ANAPC5: variants seen among roughly 807,000 people sequenced by gnomAD.
ANAPC5 encodes the protein anaphase promoting complex subunit 5.
A neutral mutation model predicts 91.3 loss-of-function variants in ANAPC5; 60 were observed. The ratio of observed to expected loss-of-function variants is 0.66; its 90% CI spans 0.53 to 0.81. The LOEUF is 0.81. Among genes scored for constraint, ANAPC5 ranks in the 40% least tolerant of loss-of-function variants. The probability of loss-of-function intolerance (pLI) is 0.00; values close to 1 mark genes in which losing one functional copy is unlikely to be tolerated. For synonymous variants in ANAPC5, 340 were observed against 364.1 expected, an observed-to-expected ratio of 0.93 and a Z score of 0.75; for missense variants, 690 against 931.5, an observed-to-expected ratio of 0.74 and a Z score of 3.37.
chr12:121,318,151 C>T (rs1330765862), intron 15 of ANAPC5, 126 bp downstream of exon 15: 1 of 1,196,392 alleles, frequency 8.4e-7, no homozygotes, highest in Non-Finnish European at 1.1e-6. Context: ...CACAGGAAGA[C>T]TACCTTTCCA....
At chr12:121,350,020 A>C (rs1903822905) in intron 1 of ANAPC5, among the ~76,000 whole-genome samples, 1 of 151,962 alleles carries the variant, frequency 6.6e-6, no homozygotes, top group South Asian at 2.1e-4. Context: ...TATTTACCAA[A>C]ATTTTAGTAT....
Position 121,320,414 on chromosome 12 carries a change from G to A in ANAPC5, c.1486C>T (p.Arg496Ter), listed in dbSNP as rs1434842906. 2.5e-6 allele frequency: 4 copies of A among 1,613,510 alleles called. No individual in the cohort carries two copies. Among genetic ancestry groups the A allele is most frequent in the African/African-American group, 2.7e-5 (2 of 74,880 alleles). The change falls in exon 12 of 17, where the codon CGA becomes TGA. Residue 496 changes from arginine (R) to a stop codon, truncating the protein, a stop_gained. Transcript: ENST00000261819. LOFTEE classifies it high-confidence loss of function. Reference sequence around the variant, plus strand: ...GCGTGCTGACTATTAGGCGGAAATCGTTCCTTCAAGTGCTTTAACACTTCA... The same window carrying A: ...GCGTGCTGACTATTAGGCGGAAATCATTCCTTCAAGTGCTTTAACACTTCA... ...ASEVLKHLKE[R>*]FPPNSQHAQL...
At chr12:121,323,047 A>G (rs761518817) in intron 11 of ANAPC5, among the ~76,000 whole-genome samples, 10 of 152,006 alleles carry the variant, frequency 6.6e-5, no homozygotes, top group Non-Finnish European at 1.5e-4. Flanking sequence ...AAACAAACAA[A>G]CAAAAAACCT....
At chr12:121,324,651 G>A (rs1555272128) in intron 11 of ANAPC5, among the ~76,000 whole-genome samples, 1 of 152,164 alleles carries the variant, frequency 6.6e-6, no homozygotes, top group African/African-American at 2.4e-5. Flanking sequence ...CAACACTTTG[G>A]GAGGCCAAGG....
At position 121,308,260 on chromosome 12, in the gene ANAPC5, C is replaced by G. The variant is rs1902008988; in HGVS notation, c.*220G>C. 2 of 521,148 alleles carry G rather than the reference C, an allele frequency of 3.8e-6. No homozygotes were observed. Among genetic ancestry groups the G allele is most frequent in the African/African-American group, 3.8e-5 (2 of 52,454 alleles). 32.3% of individuals were successfully genotyped at this position (521,148 alleles called of 1,614,324 possible). On this transcript the variant is annotated 3_prime_UTR_variant, in exon 17 of 17. Transcript: ENST00000261819. ...TTGCACTAACTTGTTAGCAAAATACCCATTTATTAAGAAAAAGTTGGTGTC... is the reference window on the plus strand; with the variant it reads ...TTGCACTAACTTGTTAGCAAAATACGCATTTATTAAGAAAAAGTTGGTGTC...
chr12:121,329,478 C>T (rs1555272634), intron 9 of ANAPC5, among the ~76,000 whole-genome samples: 1 of 151,780 alleles, frequency 6.6e-6, no homozygotes, highest in African/African-American at 2.4e-5. Context: ...CATTAAATTA[C>T]TACCTGTAAT....
intron 13 of ANAPC5, 32 bp downstream of exon 13, chr12:121,319,664 TA>T: frequency 6.3e-7 from 1 of 1,576,788 alleles, no homozygotes; most frequent in South Asian, 1.2e-5. Context: ...ACAATTATTT[TA>T]TTCTGGGGTT....
upstream of ANAPC5, among the ~76,000 whole-genome samples, chr12:121,352,718 T>TGGTGGTGGGGGTGGTGGTGGTGGTGGTGG (rs1555275623): frequency 9.8e-6 from 1 of 102,348 alleles, no homozygotes. Context: ...GTTGTTGTTG[T>TGGTGGTGGGGGTGGTGGTGGTGGTGGTGG]TGGTGGTGGT....
Position 121,328,309 on chromosome 12 carries a change from G to C in ANAPC5, c.1304+7C>G. ...AATTCACACCCCCAGGGCCTTGGGA[G>C]ACCTACCTGCGGCCATACAGCCTCC... On this transcript the variant is annotated splice_region_variant and intron_variant, in intron 10 of 16. Coordinates refer to ENST00000261819, the MANE Select transcript of ANAPC5 (RefSeq NM_016237.5). 2 of 1,613,292 alleles carry C rather than the reference G, an allele frequency of 1.2e-6. No homozygotes were observed. Among genetic ancestry groups the C allele is most frequent in the Non-Finnish European group, 1.7e-6 (2 of 1,179,850 alleles).
chr12:121,345,187 AT>A (rs1272832272), intron 4 of ANAPC5, among the ~76,000 whole-genome samples: 30 of 152,316 alleles, frequency 2.0e-4, no homozygotes, highest in African/African-American at 7.0e-4. Context: ...ATACTACTGC[AT>A]TTTGGGCTTG....
At chr12:121,335,796 C>A in intron 6 of ANAPC5, 73 bp from the exon 7 acceptor site, 1 of 1,284,062 alleles carries the variant, frequency 7.8e-7, no homozygotes, top group Non-Finnish European at 1.1e-6. Flanking sequence ...CAGAGAGTTC[C>A]ACTGTCTACA....
chr12:121,322,418 C>G (rs1902653691), intron 11 of ANAPC5, among the ~76,000 whole-genome samples: 1 of 152,020 alleles, frequency 6.6e-6, no homozygotes, highest in African/African-American at 2.4e-5. Context: ...CTCAGCCCCC[C>G]AAATTGCTGG....
Position 121,308,278 on chromosome 12 carries a change from T to C in ANAPC5, c.*202A>G, listed in dbSNP as rs1014780235. On this transcript the variant is annotated 3_prime_UTR_variant, in exon 17 of 17. Transcript: ENST00000261819. The stretch of plus-strand genomic sequence containing the variant: ...AAAATACCCATTTATTAAGAAAAAG[T>C]TGGTGTCCTTTGCTACCAAAAGGGA... 3.6e-6 allele frequency: 2 copies of C among 548,950 alleles called. No homozygotes were observed. The highest frequency in any genetic ancestry group is 3.2e-5 in the Admixed American group (1 of 31,674). 34.0% of individuals were successfully genotyped at this position (548,950 alleles called of 1,614,324 possible). A position where few individuals can be genotyped will look rare whatever the true frequency, so the allele number is the denominator to read the frequency against.
At chr12:121,318,840 G>GA (rs1032722573) in intron 13 of ANAPC5, among the ~76,000 whole-genome samples, 1 of 152,040 alleles carries the variant, frequency 6.6e-6, no homozygotes, top group Non-Finnish European at 1.5e-5. Context: ...CCAACATGGG[G>GA]AAACCCTGCC....
rs369565783 is a variant in ANAPC5 at position 121,345,912 on chromosome 12, C to T, written c.517G>A (p.Ala173Thr). 2 of 1,614,062 alleles carry T rather than the reference C, an allele frequency of 1.2e-6. No homozygotes were observed. Among genetic ancestry groups the T allele is most frequent in the African/African-American group, 2.7e-5 (2 of 74,906 alleles). Residue 173 changes from alanine (A) to threonine (T), a missense_variant, in exon 4 of 17, where the codon GCT (alanine) becomes ACT (threonine). Ala to Thr is a moderately conservative substitution (Grantham distance 58, BLOSUM62 0). Around this residue, in one of 5 missense-constraint regions of ANAPC5, gnomAD observed 238 missense variants for 264.9 expected, o/e 0.90. Coordinates refer to ENST00000261819, the MANE Select transcript of ANAPC5 (RefSeq NM_016237.5). ...QNGEKKTVEDADMELTSRDEG... is the reference protein window; with the variant it reads ...QNGEKKTVEDTDMELTSRDEG... ...TCTCTACTGGTCAGTTCCATATCAGCATCCTCCACTGTCTTTTTCTCACCA... is the reference window on the plus strand; with the variant it reads ...TCTCTACTGGTCAGTTCCATATCAGTATCCTCCACTGTCTTTTTCTCACCA...
intron 6 of ANAPC5, among the ~76,000 whole-genome samples, chr12:121,335,931 G>A (rs1241167505): frequency 6.6e-6 from 1 of 152,124 alleles, no homozygotes; most frequent in African/African-American, 2.4e-5. Context: ...AATTAAAAAT[G>A]GGAGTTCCAT....
At chr12:121,317,892 A>G (rs1357602811) in intron 15 of ANAPC5, 1 of 158,454 alleles carries the variant, frequency 6.3e-6, no homozygotes, top group African/African-American at 2.4e-5. Context: ...GAAAGAAAAC[A>G]AACATAAAAT....
chr12:121,344,633 TC>T (rs1555274489), intron 4 of ANAPC5, among the ~76,000 whole-genome samples: 1 of 151,044 alleles, frequency 6.6e-6, no homozygotes, highest in East Asian at 1.9e-4. Flanking sequence ...AGGCGCTACC[TC>T]GTGGTCAGGG....
intron 10 of ANAPC5, chr12:121,327,988 T>G: frequency 4.6e-6 from 1 of 216,390 alleles, no homozygotes; most frequent in Non-Finnish European, 9.3e-6. Context: ...ATGACGTGGG[T>G]TTGAGTCCTT....
Sources: allele counts gnomAD v4.1 joint callset (sites outside exome capture counted in the v4.1 genomes callset), GRCh38; gene constraint gnomAD v4.1.1; regional missense constraint gnomAD v4.1.1; transcripts MANE v1.5; gene names NCBI Gene and HGNC (gene_info 2026-07-23, HGNC 2026-07-21).